The following SAMD8 variants were observed in gnomAD, a reference collection of about 807,000 sequenced individuals.
The protein encoded by SAMD8 is sphingomyelin synthase-related protein 1.
Under a neutral mutation model 42.0 loss-of-function variants are expected in SAMD8, and 20 were observed. The observed-to-expected ratio is 0.48, with a 90% CI of 0.34 to 0.69. The LOEUF (loss-of-function observed/expected upper bound fraction) is 0.69, where lower values mean the gene tolerates loss of function less well. SAMD8 is among the 30% of genes least tolerant of loss of function. SAMD8 has a pLI of 0.01. For synonymous variants in SAMD8, 162 were observed against 173.0 expected, an observed-to-expected ratio of 0.94 and a Z score of 0.50; for missense variants, 328 against 511.6, an observed-to-expected ratio of 0.64 and a Z score of 3.46.
chr10:75,162,649 CAA>C (rs11354181), intron 2 of SAMD8, among the ~76,000 whole-genome samples: 24,215 of 89,784 alleles, frequency 0.27, 1,733 homozygotes, highest in East Asian at 0.5. Context: ...AACTCCGTCT[CAA>C]AAAAAAAAAA....
chr10:75,129,527 C>G (rs542936294), intron 1 of SAMD8, among the ~76,000 whole-genome samples: 1 of 152,136 alleles, frequency 6.6e-6, no homozygotes, highest in South Asian at 2.1e-4. Context: ...TGTGAGCCAC[C>G]GCACCCGGCC....
rs778747059 is a variant in SAMD8 at position 75,181,747 on chromosome 10, T to C, written c.*5055T>C. 6.6e-6 allele frequency: 1 copy of C among 152,272 alleles called. No individual in the cohort carries two copies. The highest frequency in any genetic ancestry group is 2.4e-5 in the African/African-American group (1 of 41,474). The allele number at this position is 152,272 out of a possible 1,614,324, so 9.4% of individuals were successfully genotyped here. On this transcript the variant is annotated 3_prime_UTR_variant, in exon 6 of 6. Coordinates refer to ENST00000542569, the MANE Select transcript of SAMD8 (RefSeq NM_001174156.2). The stretch of plus-strand genomic sequence containing the variant: ...GCCAAGCAATATTATCAATTAGTAA[T>C]GTCATCTTAAAAATGTTCACTTTTA...
At chr10:75,104,162 T>A in intron 1 of SAMD8, 1 of 1,199,496 alleles carries the variant, frequency 8.3e-7, no homozygotes. Flanking sequence ...CTGGGACTTG[T>A]TGGGGCAGGG....
intron 3 of SAMD8, among the ~76,000 whole-genome samples, chr10:75,165,930 T>C (rs1229419658): frequency 6.7e-6 from 1 of 149,086 alleles, no homozygotes. Context: ...GAGCTGTGAT[T>C]GTGCCACTGC....
chr10:75,113,480 G>A (rs1016659796), intron 1 of SAMD8, among the ~76,000 whole-genome samples: 1 of 151,928 alleles, frequency 6.6e-6, no homozygotes, highest in Non-Finnish European at 1.5e-5. Flanking sequence ...GAGTAGCTGG[G>A]ACTGCAGGTG....
intron 4 of SAMD8, among the ~76,000 whole-genome samples, chr10:75,174,736 T>C (rs1296047646): frequency 6.6e-6 from 1 of 151,920 alleles, no homozygotes. Context: ...CCCTGCAGTA[T>C]GCTTTTTTTT....
chr10:75,101,832 A>C, intron 1 of SAMD8: 39 of 1,342,696 alleles, frequency 2.9e-5, no homozygotes, highest in Non-Finnish European at 3.5e-5. Context: ...CAGGGACCAC[A>C]TCCTACCCCC....
intron 1 of SAMD8, among the ~76,000 whole-genome samples, chr10:75,134,437 C>A (rs1366388857): frequency 6.6e-6 from 1 of 152,078 alleles, no homozygotes; most frequent in African/African-American, 2.4e-5. Flanking sequence ...TAGTTAGAGA[C>A]CAGCCTGGCC....
At chr10:75,147,864 A>G (rs918821704) in intron 1 of SAMD8, among the ~76,000 whole-genome samples, 3 of 152,112 alleles carry the variant, frequency 2.0e-5, no homozygotes, top group African/African-American at 7.2e-5. Context: ...ATATAAAATA[A>G]TATAATAAAT....
At chr10:75,170,779 T>TC (rs1840837407) in intron 4 of SAMD8, among the ~76,000 whole-genome samples, 1 of 146,934 alleles carries the variant, frequency 6.8e-6, no homozygotes, top group African/African-American at 2.5e-5. Context: ...GGTTTTTTTT[T>TC]TTTTTTTTTT....
chr10:75,130,434 A>T (rs1589944073), intron 1 of SAMD8, among the ~76,000 whole-genome samples: 2 of 152,220 alleles, frequency 1.3e-5, no homozygotes, highest in East Asian at 3.9e-4. Context: ...TGAACCGAGG[A>T]GGTGGAGGTT....
At chr10:75,143,466 G>A (rs1016009390) in intron 1 of SAMD8, among the ~76,000 whole-genome samples, 1 of 152,100 alleles carries the variant, frequency 6.6e-6, no homozygotes, top group Admixed American at 6.5e-5. Context: ...GTGCATGTCT[G>A]CTGGTGATGA....
Position 75,151,639 on chromosome 10 carries a change from A to G in SAMD8, c.578+533A>G, listed in dbSNP as rs575091666. 3.9e-5 allele frequency among the ~76,000 whole-genome samples: 6 copies of G among 152,270 alleles called. No homozygotes were observed. In the East Asian group the frequency reaches 9.7e-4, roughly 25 times the overall value. On this transcript the variant is annotated intron_variant, in intron 2 of 5. Transcript: ENST00000542569. ...AGTGTTGGGATTACAGGCATGAGCCATCATGGCCTGGACTGCTTAATTTAT... is the reference window on the plus strand; with the variant it reads ...AGTGTTGGGATTACAGGCATGAGCCGTCATGGCCTGGACTGCTTAATTTAT...
chr10:75,172,151 A>G (rs1373236478), intron 4 of SAMD8, among the ~76,000 whole-genome samples: 1 of 152,060 alleles, frequency 6.6e-6, no homozygotes, highest in East Asian at 1.9e-4. Flanking sequence ...ATTCTGATTG[A>G]TGAAAGGTAA....
chr10:75,102,032 C>A, intron 1 of SAMD8: 1 of 1,186,950 alleles, frequency 8.4e-7, no homozygotes. Flanking sequence ...CCTGCCACTC[C>A]CAACTTGTCC....
chr10:75,135,621 C>T (rs57102079), intron 1 of SAMD8, among the ~76,000 whole-genome samples: 1,554 of 151,934 alleles, frequency 0.01, 23 homozygotes, highest in African/African-American at 0.036. Context: ...GTCAGGAGAT[C>T]GAGACCATCC....
upstream of SAMD8, chr10:75,108,208 C>G (rs1186985795): frequency 6.3e-6 from 10 of 1,597,126 alleles, no homozygotes; most frequent in African/African-American, 1.2e-4. Context: ...TTTGCCGTGG[C>G]CCTGGGGAGG....
chr10:75,103,618 C>T (rs1265762764), intron 1 of SAMD8, among the ~76,000 whole-genome samples: 1 of 152,204 alleles, frequency 6.6e-6, no homozygotes, highest in Non-Finnish European at 1.5e-5. Flanking sequence ...ATACTACTCC[C>T]CGCTTGCACT....
intron 3 of SAMD8, among the ~76,000 whole-genome samples, chr10:75,167,176 T>C (rs1840704706): frequency 6.6e-6 from 1 of 152,164 alleles, no homozygotes; most frequent in African/African-American, 2.4e-5. Context: ...TTTTAAAACA[T>C]AGTGTTTTAT....
Sources: allele counts gnomAD v4.1 joint callset (sites outside exome capture counted in the v4.1 genomes callset), GRCh38; gene constraint gnomAD v4.1.1; transcripts MANE v1.5; gene names NCBI Gene and HGNC (gene_info 2026-07-23, HGNC 2026-07-21).